Variants in HMCN1 observed in about 807,000 individuals in gnomAD.
HMCN1 encodes hemicentin 1, also known as hemicentin-1.
In HMCN1, 321 loss-of-function variants were observed where a neutral mutation model predicts 625.9. The ratio of observed to expected loss-of-function variants is 0.51; its 90% CI spans 0.47 to 0.56. The LOEUF (loss-of-function observed/expected upper bound fraction) is 0.56. Ranked by LOEUF, HMCN1 falls within the 20% of genes least tolerant of loss-of-function variation. The probability of loss-of-function intolerance (pLI) is 0.00; values close to 1 mark genes in which losing one functional copy is unlikely to be tolerated. For synonymous variants in HMCN1, 2,425 were observed against 2,417.6 expected (o/e 1.00, Z -0.09); for missense variants, 6,588 against 6,887.3 (o/e 0.96, Z 1.54).
intron 36 of HMCN1, 134 bp downstream of exon 36, chr1:186,023,287 GGT>G: frequency 2.8e-6 from 2 of 715,966 alleles, no homozygotes; most frequent in South Asian, 1.8e-5. Flanking sequence ...AAAAACCTAG[GGT>G]TTTTTTTTTT....
chr1:185,982,228 G>C, intron 17 of HMCN1, 34 bp from the exon 18 acceptor site: 1 of 1,611,638 alleles, frequency 6.2e-7, no homozygotes, highest in Non-Finnish European at 8.5e-7. Flanking sequence ...GGGTGAAATA[G>C]AGTTGAAAGT....
chr1:185,799,386 T>G (rs1322477141), intron 1 of HMCN1, among the ~76,000 whole-genome samples: 2 of 152,194 alleles, frequency 1.3e-5, no homozygotes, highest in East Asian at 1.9e-4. Flanking sequence ...GTCTGTGGGA[T>G]GCCCAATGGC....
At chr1:185,797,835 G>A (rs11800969) in intron 1 of HMCN1, among the ~76,000 whole-genome samples, 5,828 of 139,168 alleles carry the variant, frequency 0.042, 1,369 homozygotes, top group African/African-American at 0.18. Context: ...GCGTAGTGGC[G>A]GGCGCCTGTA....
In HMCN1 at chr1:186,153,968, T is replaced by A; in HGVS notation, c.15237T>A (p.Ile5079=). The A allele has an allele frequency of 2.5e-6, 4 of 1,612,788 alleles. No homozygotes were observed. The highest frequency in any genetic ancestry group is 3.4e-6 in the Non-Finnish European group (4 of 1,178,792). Residue 5079 remains isoleucine (I), a synonymous_variant, in exon 97 of 107, where the codon ATT becomes ATA. Transcript: ENST00000271588. The part of the protein sequence containing the change: ...NQIEETLGFK[I]HASISKGDRS... ...TAGAAGAGACACTGGGTTTTAAAAT[T>A]CATGCTTCAATATCCAAAGGTAATT...
At chr1:185,817,988 CTG>C (rs1659947361) in intron 1 of HMCN1, among the ~76,000 whole-genome samples, 1 of 152,190 alleles carries the variant, frequency 6.6e-6, no homozygotes, top group African/African-American at 2.4e-5. Flanking sequence ...CCTCCACCAA[CTG>C]TCCATCTCCT....
intron 4 of HMCN1, among the ~76,000 whole-genome samples, chr1:185,889,494 A>C (rs1664903543): frequency 7.1e-6 from 1 of 141,678 alleles, no homozygotes; most frequent in South Asian, 2.1e-4. Flanking sequence ...ATCAATACCT[A>C]ATTTATTGAG....
Position 186,003,811 on chromosome 1 carries a change from C to G in HMCN1, c.4442C>G (p.Pro1481Arg). 1 of 1,613,238 alleles carries G rather than the reference C, an allele frequency of 6.2e-7. No homozygotes were observed. Among genetic ancestry groups the G allele is most frequent in the Non-Finnish European group, 8.5e-7 (1 of 1,179,378 alleles). The change falls in exon 29 of 107, where the codon CCC becomes CGC. Residue 1481 changes from proline (P) to arginine (R), a missense_variant. Pro to Arg is a moderately radical substitution (Grantham distance 103). Around this residue, in one of 3 missense-constraint regions of HMCN1, gnomAD observed 4,628 missense variants for 4,853.1 expected, o/e 0.95. Coordinates refer to ENST00000271588, the MANE Select transcript of HMCN1 (RefSeq NM_031935.3). ...VALECQVKGT[P>R]FPDIHWFKDG... Reference sequence around the variant, plus strand: ...CTTGAATGCCAGGTCAAAGGCACTCCCTTTCCTGATATTCATTGGTTCAAA... The same window carrying G: ...CTTGAATGCCAGGTCAAAGGCACTCGCTTTCCTGATATTCATTGGTTCAAA...
intron 13 of HMCN1, among the ~76,000 whole-genome samples, chr1:185,964,819 G>T (rs1039084927): frequency 1.3e-5 from 2 of 152,028 alleles, no homozygotes; most frequent in Non-Finnish European, 2.9e-5. Context: ...GTGGCAAAGG[G>T]CATTTTAGAA....
At chr1:185,880,861 T>G (rs1205421460) in intron 4 of HMCN1, among the ~76,000 whole-genome samples, 1 of 152,232 alleles carries the variant, frequency 6.6e-6, no homozygotes, top group Non-Finnish European at 1.5e-5. Context: ...GAGTTGTCTT[T>G]CTGATAGCTT....
At position 185,923,380 on chromosome 1, in the gene HMCN1, T is replaced by C; in HGVS notation, c.1022-10T>C. On this transcript the variant is annotated splice_polypyrimidine_tract_variant and intron_variant, in intron 7 of 106. Coordinates refer to ENST00000271588, the MANE Select transcript of HMCN1 (RefSeq NM_031935.3). ...TTCTTGTAAATGATAACAAAATCTT[T>C]CTCTTGTAGGAATACCTACCTATGT... 6.3e-7 allele frequency: 1 copy of C among 1,599,312 alleles called. No individual in the cohort carries two copies. Among genetic ancestry groups the C allele is most frequent in the Non-Finnish European group, 8.6e-7 (1 of 1,168,690 alleles).
At chr1:185,766,309 T>G (rs1004016715) in intron 1 of HMCN1, among the ~76,000 whole-genome samples, 1 of 152,090 alleles carries the variant, frequency 6.6e-6, no homozygotes, top group African/African-American at 2.4e-5. Context: ...ACTCAGAGAC[T>G]GGGGGAATGC....
chr1:186,018,052 T>A, intron 33 of HMCN1, 131 bp from the exon 34 acceptor site: 1 of 856,352 alleles, frequency 1.2e-6, no homozygotes, highest in African/African-American at 1.7e-5. Flanking sequence ...CTTCTCTTTT[T>A]CATTTACAAT....
In HMCN1 at chr1:186,145,573, G is replaced by T; in HGVS notation, c.14437G>T (p.Val4813Leu). Residue 4813 changes from valine (V) to leucine (L), a missense_variant and splice_region_variant, in exon 92 of 107, where the codon GTG becomes TTG. By Grantham distance (32) the Val-to-Leu change is conservative. Coordinates refer to ENST00000271588, the MANE Select transcript of HMCN1 (RefSeq NM_031935.3). Reference protein sequence around the residue: ...IQRCNTDMCPVDGSWGSWHSW... With the variant: ...IQRCNTDMCPLDGSWGSWHSW... Reference sequence around the variant, plus strand: ...GAGGTGCAACACTGACATGTGTCCTGGTGAGCCTCTTGATTTCTGGCAGTT... The same window carrying T: ...GAGGTGCAACACTGACATGTGTCCTTGTGAGCCTCTTGATTTCTGGCAGTT... 1 of 1,613,842 alleles carries T rather than the reference G, an allele frequency of 6.2e-7. No homozygotes were observed. The highest frequency in any genetic ancestry group is 8.5e-7 in the Non-Finnish European group (1 of 1,179,884).
intron 1 of HMCN1, among the ~76,000 whole-genome samples, chr1:185,797,063 T>C (rs1022585498): frequency 2.0e-5 from 3 of 152,196 alleles, no homozygotes; most frequent in Non-Finnish European, 4.4e-5. Flanking sequence ...TGGTATCTCA[T>C]TGTGGTTTTA....
chr1:186,114,101 G>A lies in HMCN1; in HGVS notation c.11254G>A (p.Val3752Ile). The change falls in exon 73 of 107, where the codon GTT (valine) becomes ATT (isoleucine). Residue 3752 changes from valine to isoleucine, a missense_variant. Val to Ile is a conservative substitution (Grantham distance 29). Transcript: ENST00000271588. ...PRITWRKDGA[V>I]LAGNHARYSI... ...GATAACATGGAGAAAGGATGGAGCT[G>A]TTCTAGCTGGGAATCATGCAAGGTA... The A allele has an allele frequency of 6.2e-7, 1 of 1,614,070 alleles. No homozygotes were observed. The highest frequency in any genetic ancestry group is 8.5e-7 in the Non-Finnish European group (1 of 1,179,958).
At chr1:186,187,252 C>T (rs1013452339) in intron 105 of HMCN1, among the ~76,000 whole-genome samples, 3 of 152,090 alleles carry the variant, frequency 2.0e-5, no homozygotes, top group Non-Finnish European at 4.4e-5. Context: ...AGGATAGACT[C>T]AACACAGTCC....
At chr1:186,139,814 G>A (rs952968414) in intron 89 of HMCN1, among the ~76,000 whole-genome samples, 4 of 152,016 alleles carry the variant, frequency 2.6e-5, no homozygotes, top group South Asian at 2.1e-4. Context: ...AAAAATTAGC[G>A]ATGCTACAAG....
intron 1 of HMCN1, among the ~76,000 whole-genome samples, chr1:185,767,940 G>A (rs77991947): frequency 3.9e-5 from 6 of 152,292 alleles, no homozygotes; most frequent in Non-Finnish European, 8.8e-5. Flanking sequence ...AGCCAGACTT[G>A]TTGAAAGATG....
intron 1 of HMCN1, among the ~76,000 whole-genome samples, chr1:185,778,485 A>G (rs759017310): frequency 1.1e-4 from 15 of 133,664 alleles, no homozygotes; most frequent in Admixed American, 1.5e-4. Context: ...TCCTAATGCT[A>G]TCCCTCCCCC....
Sources: gnomAD v4.1 joint callset for allele counts (sites outside exome capture counted in the v4.1 genomes callset) on GRCh38, gnomAD v4.1.1 for gene constraint, gnomAD v4.1.1 regional missense constraint, MANE v1.5 for transcripts, NCBI Gene and HGNC (gene_info 2026-07-23, HGNC 2026-07-21) for gene names.